TBC1D17: variants seen among roughly 807,000 people sequenced by gnomAD.
The protein encoded by TBC1D17 is TBC1 domain family, member 17.
Under a neutral mutation model 78.8 loss-of-function variants are expected in TBC1D17, and 69 were observed. That is an observed-to-expected ratio of 0.88 (90% CI 0.72 to 1.07). TBC1D17 has a LOEUF of 1.07. Ranked by LOEUF, TBC1D17 falls within the 50% of genes least tolerant of loss-of-function variation. The pLI, the probability that TBC1D17 is intolerant of heterozygous loss-of-function variation, is 0.00. For synonymous variants in TBC1D17, 456 were observed against 358.3 expected (o/e 1.27, Z -3.08); for missense variants, 957 against 861.0 (o/e 1.11, Z -1.39).
At position 49,887,495 on chromosome 19, in the gene TBC1D17, T is replaced by C. The variant is rs772564093; in HGVS notation, c.1464T>C (p.Ser488=). ...CDFLDSQDSG[S]LCFCFRWLLI... ...CCCCAGATTCCCAGGACTCCGGCTC[T>C]CTCTGCTTCTGTTTCCGGTGGCTGC... The change falls in exon 14 of 17, where the codon TCT becomes TCC. Residue 488 remains serine (S), a synonymous_variant. Coordinates refer to ENST00000221543, the MANE Select transcript of TBC1D17 (RefSeq NM_024682.3). 2 of 1,614,140 alleles carry C rather than the reference T, an allele frequency of 1.2e-6. No individual in the cohort carries two copies. The highest frequency in any genetic ancestry group is 1.7e-6 in the Non-Finnish European group (2 of 1,180,012).
chr19:49,883,050 G>C lies in TBC1D17; in HGVS notation c.1005G>C (p.Glu335Asp). 1.9e-6 allele frequency: 3 copies of C among 1,610,494 alleles called. No homozygotes were observed. The highest frequency in any genetic ancestry group is 2.5e-6 in the Non-Finnish European group (3 of 1,178,500). Reference sequence around the variant, plus strand: ...TCAGCTGGGAAGGCACAGCTGAGGAGCACAAGGCCCACATACGCAAGAAAA... The same window carrying C: ...TCAGCTGGGAAGGCACAGCTGAGGACCACAAGGCCCACATACGCAAGAAAA... The part of the protein sequence containing the change: ...GYLSWEGTAE[E>D]HKAHIRKKTD... Residue 335 changes from glutamate (E) to aspartate (D), a missense_variant, in exon 9 of 17, where the codon GAG becomes GAC. Glu to Asp is a conservative substitution (Grantham distance 45). Transcript: ENST00000221543.
chr19:49,881,235 C>A, intron 4 of TBC1D17, 33 bp from the exon 5 acceptor site: 1 of 1,583,446 alleles, frequency 6.3e-7, no homozygotes, highest in Non-Finnish European at 8.6e-7. Context: ...TGGCTTCCCA[C>A]GCGCTTCCCC....
At chr19:49,883,959 C>T (rs916434643) in intron 10 of TBC1D17, among the ~76,000 whole-genome samples, 8 of 152,190 alleles carry the variant, frequency 5.3e-5, no homozygotes, top group Non-Finnish European at 7.4e-5. Flanking sequence ...CAGCTCCCTT[C>T]AGGCCCAGTC....
chr19:49,881,510 G>A, intron 5 of TBC1D17, 35 bp downstream of exon 5: 1 of 1,591,340 alleles, frequency 6.3e-7, no homozygotes. Flanking sequence ...CTTAAACCGG[G>A]CCCAGTCCCA....
intron 13 of TBC1D17, among the ~76,000 whole-genome samples, 172 bp downstream of exon 13, chr19:49,884,930 C>T (rs894026250): frequency 2.0e-5 from 3 of 152,200 alleles, no homozygotes; most frequent in African/African-American, 7.2e-5. Flanking sequence ...AAAACTTCAC[C>T]AAATGCAGAC....
chr19:49,888,312 T>G lies in TBC1D17; in HGVS notation c.1741T>G (p.Cys581Gly). 6.3e-7 allele frequency: 1 copy of G among 1,577,900 alleles called. No homozygotes were observed. The highest frequency in any genetic ancestry group is 8.6e-7 in the Non-Finnish European group (1 of 1,162,686). ...GGCCCTGCACCGCCAGCTAACCGCC[T>G]GCCCCGTGAGTCCCCGTCCGCCCCG... ...AEALHRQLTA[C>G]PELPHNVQEI... The change falls in exon 16 of 17, where the codon TGC (cysteine) becomes GGC (glycine). Residue 581 changes from cysteine to glycine, a missense_variant. Coordinates refer to ENST00000221543, the MANE Select transcript of TBC1D17 (RefSeq NM_024682.3).
In TBC1D17 at chr19:49,884,543, G is replaced by T. The variant is rs1361710922; in HGVS notation, c.1328G>T (p.Gly443Val). The change falls in exon 12 of 17, where the codon GGC becomes GTC. Residue 443 changes from glycine to valine, a missense_variant. Transcript: ENST00000221543. ...GTGGATGCTTTCTGGTGTTTCTGTG[G>T]CTTCATGGAGCTCGTGGTGAGGCTT... ...NEVDAFWCFC[G>V]FMELVQGNFE... The T allele has an allele frequency of 6.2e-7, 1 of 1,614,054 alleles. No individual in the cohort carries two copies. The highest frequency in any genetic ancestry group is 1.3e-5 in the African/African-American group (1 of 74,912).
chr19:49,881,865 T>C (rs1177859418), intron 5 of TBC1D17, among the ~76,000 whole-genome samples, 176 bp from the exon 6 acceptor site: 1 of 152,116 alleles, frequency 6.6e-6, no homozygotes, highest in Non-Finnish European at 1.5e-5. Flanking sequence ...CCCCGAGTCA[T>C]GTGCCCACCC....
At position 49,888,672 on chromosome 19, in the gene TBC1D17, G is replaced by T; in HGVS notation, c.*48G>T. Reference sequence around the variant, plus strand: ...GCACAGGCACTTTAGCCCGAGCCAGGCACACCTGCGAGGGGGCAGGTGTGC... The same window carrying T: ...GCACAGGCACTTTAGCCCGAGCCAGTCACACCTGCGAGGGGGCAGGTGTGC... On this transcript the variant is annotated 3_prime_UTR_variant, in exon 17 of 17. Coordinates refer to ENST00000221543, the MANE Select transcript of TBC1D17 (RefSeq NM_024682.3). The T allele has an allele frequency of 6.8e-7, 1 of 1,479,394 alleles. No homozygotes were observed. The highest frequency in any genetic ancestry group is 9.0e-7 in the Non-Finnish European group (1 of 1,111,280). 91.6% of individuals were successfully genotyped at this position (1,479,394 alleles called of 1,614,324 possible).
chr19:49,884,378 C>T lies in TBC1D17; in HGVS notation c.1243+9C>T. The stretch of plus-strand genomic sequence containing the variant: ...GTATCACTTCGACCTCGGTGGGTGC[C>T]AGGCCTGGGGACGGGCGTGGCCGGG... On this transcript the variant is annotated intron_variant, in intron 11 of 16. Transcript: ENST00000221543. The T allele has an allele frequency of 6.2e-7, 1 of 1,613,950 alleles. No homozygotes were observed. The highest frequency in any genetic ancestry group is 2.2e-5 in the East Asian group (1 of 44,876).
Position 49,878,131 on chromosome 19 carries a change from C to A in TBC1D17, c.22-12C>A. ...CTTGGGCCCCAGCCCTCGCTGGTTCCCCCCAACTCAGGTGGTGTTTGAGAA... is the reference window on the plus strand; with the variant it reads ...CTTGGGCCCCAGCCCTCGCTGGTTCACCCCAACTCAGGTGGTGTTTGAGAA... On this transcript the variant is annotated splice_polypyrimidine_tract_variant and intron_variant, in intron 1 of 16. Transcript: ENST00000221543. 1.3e-6 allele frequency: 2 copies of A among 1,568,496 alleles called. No homozygotes were observed. Among genetic ancestry groups the A allele is most frequent in the Non-Finnish European group, 8.6e-7 (1 of 1,157,196 alleles).
At chr19:49,882,646 G>C in intron 7 of TBC1D17, 118 bp from the exon 8 acceptor site, 1 of 1,422,522 alleles carries the variant, frequency 7.0e-7, no homozygotes, top group South Asian at 1.5e-5. Context: ...GCTGCTGCCT[G>C]CCCCTGAATG....
At chr19:49,880,152 C>T in intron 3 of TBC1D17, 127 bp from the exon 4 acceptor site, 1 of 1,257,352 alleles carries the variant, frequency 8.0e-7, no homozygotes, top group South Asian at 1.5e-5. Context: ...GCCACCGCAC[C>T]CGGCCTGCTG....
chr19:49,884,187 T>G, intron 10 of TBC1D17, 66 bp from the exon 11 acceptor site: 1 of 1,432,778 alleles, frequency 7.0e-7, no homozygotes, highest in Non-Finnish European at 9.8e-7. Flanking sequence ...GGGCTGGCAC[T>G]GGTGGCCAGC....
rs3745485 is a variant in TBC1D17, at chr19:49,878,104, C to G, written c.22-39C>G. The stretch of plus-strand genomic sequence containing the variant: ...TATTGGCTCCCCAGGCTGGTCCCCT[C>G]GCTTGGGCCCCAGCCCTCGCTGGTT... On this transcript the variant is annotated intron_variant, in intron 1 of 16. Coordinates refer to ENST00000221543, the MANE Select transcript of TBC1D17 (RefSeq NM_024682.3). 15,536 of 1,517,524 alleles carry G rather than the reference C, an allele frequency of 0.01. 881 individuals are homozygous for G. The Admixed American group carries it at 0.13, about 13-fold the overall frequency. 94.0% of individuals were successfully genotyped at this position (1,517,524 alleles called of 1,614,324 possible). A position where few individuals can be genotyped will look rare whatever the true frequency, so the allele number is the denominator to read the frequency against.
intron 2 of TBC1D17, 32 bp from the exon 3 acceptor site, chr19:49,878,466 C>G: frequency 6.3e-7 from 1 of 1,586,402 alleles, no homozygotes; most frequent in East Asian, 2.2e-5. Context: ...GTTTGGGGAG[C>G]GCCTCTAACC....
At chr19:49,885,469 A>T (rs55671362) in intron 13 of TBC1D17, 28,207 of 142,510 alleles carry the variant, frequency 0.2, 3,259 homozygotes, top group African/African-American at 0.29. Flanking sequence ...AAAAAAAAAA[A>T]ATATATTCTT....
Position 49,888,673 on chromosome 19 carries a change from C to A in TBC1D17, c.*49C>A. 1 of 1,477,902 alleles carries A rather than the reference C, an allele frequency of 6.8e-7. No homozygotes were observed. Among genetic ancestry groups the A allele is most frequent in the Non-Finnish European group, 9.0e-7 (1 of 1,109,918 alleles). The allele number at this position is 1,477,902 out of a possible 1,614,324, so 91.5% of individuals were successfully genotyped here. On this transcript the variant is annotated 3_prime_UTR_variant, in exon 17 of 17. Transcript: ENST00000221543. Reference sequence around the variant, plus strand: ...CACAGGCACTTTAGCCCGAGCCAGGCACACCTGCGAGGGGGCAGGTGTGCT... The same window carrying A: ...CACAGGCACTTTAGCCCGAGCCAGGAACACCTGCGAGGGGGCAGGTGTGCT...
intron 4 of TBC1D17, 70 bp from the exon 5 acceptor site, chr19:49,881,198 C>G: frequency 7.0e-7 from 1 of 1,422,968 alleles, no homozygotes; most frequent in South Asian, 1.3e-5. Context: ...AAGGAACATC[C>G]TGGGTTGTGG....
Sources: gnomAD v4.1 joint callset for allele counts (sites outside exome capture counted in the v4.1 genomes callset) on GRCh38, gnomAD v4.1.1 for gene constraint, MANE v1.5 for transcripts, NCBI Gene and HGNC (gene_info 2026-07-23, HGNC 2026-07-21) for gene names.